The following PDIA5 variants were observed in gnomAD, a reference collection of about 807,000 sequenced individuals.
PDIA5 encodes protein disulfide isomerase family A member 5.
In PDIA5, 58 loss-of-function variants were observed where a neutral mutation model predicts 77.6. The observed-to-expected ratio is 0.75, with a 90% CI of 0.61 to 0.93. The LOEUF (loss-of-function observed/expected upper bound fraction) is 0.93. Among genes scored for constraint, PDIA5 ranks in the 40% least tolerant of loss-of-function variants. PDIA5 has a pLI of 0.00. For missense variants in PDIA5, 630 were observed against 647.7 expected (o/e 0.97, Z 0.30); for synonymous variants, 250 against 252.1 (o/e 0.99, Z 0.08).
At chr3:123,145,304 T>C (rs1400283076) in intron 11 of PDIA5, 1 of 553,058 alleles carries the variant, frequency 1.8e-6, no homozygotes, top group Non-Finnish European at 3.2e-6. Context: ...CCGTATTATT[T>C]ATGCAGTTGT....
intron 7 of PDIA5, among the ~76,000 whole-genome samples, chr3:123,112,534 C>CTTTTTTTTT (rs55977938): frequency 1.3e-4 from 8 of 61,452 alleles, no homozygotes; most frequent in Admixed American, 8.1e-4. Flanking sequence ...CAGCCCTATT[C>CTTTTTTTTT]TTTTTTTTTT....
chr3:123,137,225 C>T (rs760197645), intron 11 of PDIA5, among the ~76,000 whole-genome samples: 15 of 152,158 alleles, frequency 9.9e-5, no homozygotes, highest in Non-Finnish European at 1.3e-4. Context: ...CTGCTAAGCT[C>T]GGCAAAACAG....
At chr3:123,140,113 C>T (rs75826354) in intron 11 of PDIA5, among the ~76,000 whole-genome samples, 2,528 of 152,044 alleles carry the variant, frequency 0.017, 51 homozygotes, top group South Asian at 0.049. Context: ...AAGCCGCATA[C>T]AGACCTGGGG....
chr3:123,071,842 C>T (rs533400192), intron 1 of PDIA5, among the ~76,000 whole-genome samples: 11 of 152,256 alleles, frequency 7.2e-5, no homozygotes, highest in South Asian at 2.1e-4. Flanking sequence ...CCTGGCATGT[C>T]GTCAGCCCCG....
chr3:123,097,629 T>A (rs1379861402), intron 3 of PDIA5, among the ~76,000 whole-genome samples: 1 of 152,154 alleles, frequency 6.6e-6, no homozygotes, highest in South Asian at 2.1e-4. Context: ...TTCTTTCACA[T>A]CATCCTTGGT....
chr3:123,154,800 T>C lies in PDIA5; in HGVS notation c.1274-171T>C, dbSNP rs115623072. ...GTCCCCCCTACCAATAGATCAGACA[T>C]GGGTGGGAGGTGGTTAGAGTGGCAA... On this transcript the variant is annotated intron_variant, in intron 14 of 16. Transcript: ENST00000316218. Among the ~76,000 whole-genome samples, 936 of 152,078 alleles carry C rather than the reference T, an allele frequency of 6.2e-3. 11 individuals carry two copies. The highest frequency in any genetic ancestry group is 0.021 in the African/African-American group (883 of 41,508).
chr3:123,123,131 G>A (rs947860684), intron 8 of PDIA5, among the ~76,000 whole-genome samples: 1 of 152,118 alleles, frequency 6.6e-6, no homozygotes, highest in Non-Finnish European at 1.5e-5. Context: ...AAATATACTA[G>A]CCGGACATAC....
chr3:123,110,832 C>T (rs1221717012), intron 6 of PDIA5, 112 bp from the exon 7 acceptor site: 1 of 904,412 alleles, frequency 1.1e-6, no homozygotes, highest in African/African-American at 1.6e-5. Flanking sequence ...CACTCCCCCT[C>T]CCCTCCCCAT....
chr3:123,159,665 G>C (rs1186190653), intron 15 of PDIA5, among the ~76,000 whole-genome samples: 2 of 152,208 alleles, frequency 1.3e-5, no homozygotes, highest in Non-Finnish European at 2.9e-5. Context: ...CCAAATAGAA[G>C]AGGACTGAGA....
At chr3:123,151,905 C>T (rs1935914886) in intron 14 of PDIA5, among the ~76,000 whole-genome samples, 1 of 148,136 alleles carries the variant, frequency 6.8e-6, no homozygotes, top group African/African-American at 2.5e-5. Context: ...TCCTGCCTGC[C>T]TTCCTTCCTG....
chr3:123,146,382 CG>C, intron 13 of PDIA5, 123 bp downstream of exon 13: 1 of 790,164 alleles, frequency 1.3e-6, no homozygotes, highest in South Asian at 1.8e-5. Context: ...GGAGTCAAGA[CG>C]GATCTGACTT....
intron 8 of PDIA5, 23 bp from the exon 9 acceptor site, chr3:123,124,043 G>A: frequency 2.6e-6 from 4 of 1,542,622 alleles, no homozygotes; most frequent in Non-Finnish European, 3.6e-6. Flanking sequence ...GGCTCCACAC[G>A]GCTCTTCTCC....
intron 10 of PDIA5, among the ~76,000 whole-genome samples, chr3:123,128,482 A>G (rs934097321): frequency 1.3e-5 from 2 of 151,890 alleles, no homozygotes; most frequent in African/African-American, 4.8e-5. Context: ...AATTACATTC[A>G]CATAATTCAA....
intron 1 of PDIA5, among the ~76,000 whole-genome samples, chr3:123,070,746 T>C (rs925531324): frequency 6.6e-6 from 1 of 152,160 alleles, no homozygotes; most frequent in Admixed American, 6.5e-5. Flanking sequence ...TGCAGCTGAC[T>C]CTTCTCTAGG....
At chr3:123,075,315 G>A (rs969035473) in intron 1 of PDIA5, among the ~76,000 whole-genome samples, 1 of 152,200 alleles carries the variant, frequency 6.6e-6, no homozygotes, top group African/African-American at 2.4e-5. Flanking sequence ...GTTCAGGAGA[G>A]TGGGTGAAGT....
intron 2 of PDIA5, among the ~76,000 whole-genome samples, chr3:123,089,976 C>T (rs1576437608): frequency 6.6e-6 from 1 of 152,228 alleles, no homozygotes; most frequent in East Asian, 1.9e-4. Flanking sequence ...GAAGTTGTTC[C>T]AGCAGAGTTA....
chr3:123,155,292 A>G (rs1935995662), intron 15 of PDIA5, among the ~76,000 whole-genome samples: 1 of 152,236 alleles, frequency 6.6e-6, no homozygotes, highest in African/African-American at 2.4e-5. Context: ...TAAAGGGGTC[A>G]TCTATTTACT....
intron 3 of PDIA5, among the ~76,000 whole-genome samples, chr3:123,095,986 G>A (rs528902572): frequency 6.6e-6 from 1 of 152,248 alleles, no homozygotes; most frequent in African/African-American, 2.4e-5. Flanking sequence ...GCCAGGCTTG[G>A]TGTGTGTGTT....
chr3:123,077,759 T>C (rs1027096991), intron 1 of PDIA5, among the ~76,000 whole-genome samples: 1 of 152,142 alleles, frequency 6.6e-6, no homozygotes, highest in Non-Finnish European at 1.5e-5. Context: ...GGCAGATGTT[T>C]AGAATTTACC....
Sources: gnomAD v4.1 joint callset for allele counts (sites outside exome capture counted in the v4.1 genomes callset) on GRCh38, gnomAD v4.1.1 for gene constraint, MANE v1.5 for transcripts, NCBI Gene and HGNC (gene_info 2026-07-23, HGNC 2026-07-21) for gene names.